FCRL6: variants seen among roughly 807,000 people sequenced by gnomAD.
FCRL6 encodes Fc receptor-like protein 6.
Under a neutral mutation model 49.1 loss-of-function variants are expected in FCRL6, and 50 were observed. The ratio of observed to expected loss-of-function variants is 1.02; its 90% CI spans 0.81 to 1.29. The LOEUF (loss-of-function observed/expected upper bound fraction) is 1.29. Ranked by LOEUF, FCRL6 falls within the 50% of genes most tolerant of loss-of-function variation. The pLI is 0.00. For synonymous variants in FCRL6, 213 were observed against 199.6 expected (o/e 1.07, Z -0.57); for missense variants, 571 against 518.5 (o/e 1.10, Z -0.98).
rs1292643123 is a variant in FCRL6, at chr1:159,809,638, A to G, written c.841A>G (p.Ser281Gly). 20 of 1,614,146 alleles carry G rather than the reference A, an allele frequency of 1.2e-5. No homozygotes were observed. Among genetic ancestry groups the G allele is most frequent in the Non-Finnish European group, 1.6e-5 (19 of 1,180,018 alleles). ...AGNYSCEAEN[S>G]VSRERSEPKK... ...GAACTACTCCTGCGAGGCTGAGAAC[A>G]GTGTCTCCAGAGAGAGGAGTGAGCC... Residue 281 changes from serine (S) to glycine (G), a missense_variant, in exon 5 of 10, where the codon AGT becomes GGT. Physicochemically the swap from Ser to Gly is moderately conservative, Grantham distance 56 (BLOSUM62 0). Coordinates refer to ENST00000368106, the MANE Select transcript of FCRL6 (RefSeq NM_001004310.3).
Position 159,809,440 on chromosome 1 carries a change from C to G in FCRL6, c.643C>G (p.Pro215Ala), listed in dbSNP as rs1202425077. ...TCCTGTGCTCACTCTGCACCACGGG[C>G]CTGCTGACCCTGCTGTGGGGGACAT... ...SRPVLTLHHG[P>A]ADPAVGDMVQ... is the part of the protein sequence containing the mutation. Residue 215 changes from proline (P) to alanine (A), a missense_variant, in exon 5 of 10, where the codon CCT becomes GCT. Transcript: ENST00000368106. The G allele has an allele frequency of 6.2e-7, 1 of 1,613,158 alleles. No individual in the cohort carries two copies. Among genetic ancestry groups the G allele is most frequent in the South Asian group, 1.1e-5 (1 of 91,010 alleles).
chr1:159,813,358 C>G, intron 6 of FCRL6, 131 bp from the exon 7 acceptor site: 2 of 724,460 alleles, frequency 2.8e-6, no homozygotes, highest in South Asian at 3.2e-5. Context: ...GACCTGTGAA[C>G]TAGCCCTCCT....
upstream of FCRL6, chr1:159,800,532 G>A (rs1662255481): frequency 1.4e-6 from 2 of 1,463,486 alleles, no homozygotes; most frequent in African/African-American, 2.8e-5. Flanking sequence ...AGGACCTGCA[G>A]CTGAACGAAG....
chr1:159,809,529 T>G lies in FCRL6; in HGVS notation c.732T>G (p.Asp244Glu). 6.2e-7 allele frequency: 1 copy of G among 1,614,136 alleles called. No homozygotes were observed. The highest frequency in any genetic ancestry group is 8.5e-7 in the Non-Finnish European group (1 of 1,179,984). Residue 244 changes from aspartate (D) to glutamate (E), a missense_variant, in exon 5 of 10, where the codon GAT (aspartate) becomes GAG (glutamate). By Grantham distance (45) the Asp-to-Glu change is conservative. Coordinates refer to ENST00000368106, the MANE Select transcript of FCRL6 (RefSeq NM_001004310.3). The stretch of plus-strand genomic sequence containing the variant: ...CGATCCTGTATTCCTTCTACCTTGA[T>G]GAGAAGATTGTGGGGAACCACTCAG... ...SPPILYSFYL[D>E]EKIVGNHSAP... is the part of the protein sequence containing the mutation.
intron 1 of FCRL6, among the ~76,000 whole-genome samples, chr1:159,803,605 C>A (rs1015538348): frequency 6.6e-6 from 1 of 152,162 alleles, no homozygotes; most frequent in Admixed American, 6.5e-5. Context: ...AGGCAGAAGA[C>A]TCCCAGGGGC....
chr1:159,801,098 C>T (rs926483356), upstream of FCRL6, among the ~76,000 whole-genome samples: 14 of 152,188 alleles, frequency 9.2e-5, no homozygotes, highest in East Asian at 1.9e-4. Context: ...TGTGTTTCAC[C>T]GTGAACTCCC....
Position 159,808,259 on chromosome 1 carries a change from C to T in FCRL6, c.134C>T (p.Thr45Ile), listed in dbSNP as rs746591505. 3 of 1,613,586 alleles carry T rather than the reference C, an allele frequency of 1.9e-6. No individual in the cohort carries two copies. The highest frequency in any genetic ancestry group is 2.2e-5 in the South Asian group (2 of 91,080). ...CTGCGATGTCAGGGATGGAAGAATA[C>T]ACCACTGTCTCAGGTGAAGTTCTAC... is the stretch of plus-strand genomic sequence containing the variant. ...LTLRCQGWKN[T>I]PLSQVKFYRD... Residue 45 changes from threonine (T) to isoleucine (I), a missense_variant, in exon 3 of 10, where the codon ACA (threonine) becomes ATA (isoleucine). Physicochemically the swap from Thr to Ile is moderately conservative, Grantham distance 89. Transcript: ENST00000368106.
chr1:159,811,131 T>G (rs1292057071), intron 6 of FCRL6, among the ~76,000 whole-genome samples: 1 of 152,266 alleles, frequency 6.6e-6, no homozygotes, highest in Non-Finnish European at 1.5e-5. Context: ...TTCCAGACTT[T>G]CTTCTTCCTG....
Position 159,809,421 on chromosome 1 carries a change from G to T in FCRL6, c.624G>T (p.Val208=). ...VRVQAPVSRP[V]LTLHHGPADP... is the part of the protein sequence containing the mutation. ...TCCCAGCTCCTGTATCCCGTCCTGT[G>T]CTCACTCTGCACCACGGGCCTGCTG... The change falls in exon 5 of 10, where the codon GTG becomes GTT. Residue 208 remains valine (V), a synonymous_variant. Coordinates refer to ENST00000368106, the MANE Select transcript of FCRL6 (RefSeq NM_001004310.3). The T allele has an allele frequency of 6.2e-7, 1 of 1,610,046 alleles. No individual in the cohort carries two copies. Among genetic ancestry groups the T allele is most frequent in the Admixed American group, 1.7e-5 (1 of 59,888 alleles).
chr1:159,814,905 A>G (rs891299890), intron 8 of FCRL6, among the ~76,000 whole-genome samples: 4 of 152,210 alleles, frequency 2.6e-5, no homozygotes, highest in Non-Finnish European at 5.9e-5. Context: ...TTCACTGTTG[A>G]CTTGGCAAGT....
chr1:159,808,468 G>T (rs1662854951), intron 3 of FCRL6, 24 bp downstream of exon 3: 1 of 1,614,064 alleles, frequency 6.2e-7, no homozygotes, highest in African/African-American at 1.3e-5. Flanking sequence ...TTGGGAGTTT[G>T]TGGGGCAGGA....
chr1:159,808,904 C>T lies in FCRL6; in HGVS notation c.320-57C>T, dbSNP rs572966856. ...TGAGTAGAAGCTCAGGCCTCAGCCT[C>T]CTGGGGCTTCATCATCCAGGACTCC... On this transcript the variant is annotated intron_variant, in intron 3 of 9. Coordinates refer to ENST00000368106, the MANE Select transcript of FCRL6 (RefSeq NM_001004310.3). 34 of 1,510,346 alleles carry T rather than the reference C, an allele frequency of 2.3e-5. No homozygotes were observed. In the Middle Eastern group the frequency reaches 5.4e-4, roughly 24 times the overall value. The allele number at this position is 1,510,346 out of a possible 1,614,324, so 93.6% of individuals were successfully genotyped here.
chr1:159,813,674 G>C, intron 7 of FCRL6, 120 bp downstream of exon 7: 1 of 836,944 alleles, frequency 1.2e-6, no homozygotes, highest in Non-Finnish European at 1.9e-6. Flanking sequence ...TCTGGGGAAG[G>C]AAAACAAACA....
rs372919972 is a variant in FCRL6 at position 159,809,610 on chromosome 1, T to C, written c.813T>C (p.Ala271=). The part of the protein sequence containing the change: ...LLFPVKSEQD[A]GNYSCEAENS... ...TCCCAGTGAAGTCAGAACAGGATGC[T>C]GGGAACTACTCCTGCGAGGCTGAGA... Residue 271 remains alanine (A), a synonymous_variant, in exon 5 of 10, where the codon GCT becomes GCC. Coordinates refer to ENST00000368106, the MANE Select transcript of FCRL6 (RefSeq NM_001004310.3). 1.3e-5 allele frequency: 21 copies of C among 1,614,058 alleles called. No homozygotes were observed. In the East Asian group the frequency reaches 2.5e-4, roughly 19 times the overall value.
At chr1:159,811,266 G>C (rs1008795276) in intron 6 of FCRL6, among the ~76,000 whole-genome samples, 22 of 152,200 alleles carry the variant, frequency 1.4e-4, no homozygotes, top group African/African-American at 9.7e-5. Flanking sequence ...ATGGCTACCA[G>C]TGCCAAAGCT....
At chr1:159,806,717 G>A (rs1662713389) in intron 2 of FCRL6, 101 bp downstream of exon 2, 2 of 1,188,330 alleles carry the variant, frequency 1.7e-6, no homozygotes, top group Non-Finnish European at 2.5e-6. Context: ...AGAAACATCT[G>A]CAGAGCAGCA....
rs1339126736 is a variant in FCRL6, at chr1:159,808,348, G to A, written c.223G>A (p.Val75Met). 4.3e-6 allele frequency: 7 copies of A among 1,614,238 alleles called. No individual in the cohort carries two copies. The highest frequency in any genetic ancestry group is 1.6e-4 in the Middle Eastern group (1 of 6,062). ...NQTLSMGAAT[V>M]QSRGQYSCSG... The stretch of plus-strand genomic sequence containing the variant: ...GACTCTGTCCATGGGAGCAGCAACA[G>A]TGCAGAGCCGTGGCCAGTACAGCTG... The change falls in exon 3 of 10, where the codon GTG becomes ATG. Residue 75 changes from valine (V) to methionine (M), a missense_variant. Coordinates refer to ENST00000368106, the MANE Select transcript of FCRL6 (RefSeq NM_001004310.3).
intron 6 of FCRL6, among the ~76,000 whole-genome samples, chr1:159,810,763 G>C (rs577511781): frequency 6.6e-6 from 1 of 152,188 alleles, no homozygotes; most frequent in African/African-American, 2.4e-5. Context: ...AAATATGATA[G>C]ACAAGACTGA....
chr1:159,807,957 G>T (rs1662804744), intron 2 of FCRL6, among the ~76,000 whole-genome samples: 1 of 151,998 alleles, frequency 6.6e-6, no homozygotes, highest in South Asian at 2.1e-4. Context: ...TAAAGAGAAA[G>T]AGGGAAGAGG....
Sources: allele counts gnomAD v4.1 joint callset (sites outside exome capture counted in the v4.1 genomes callset), GRCh38; gene constraint gnomAD v4.1.1; transcripts MANE v1.5; gene names NCBI Gene and HGNC (gene_info 2026-07-23, HGNC 2026-07-21).